The following FSCN2 variants were observed in gnomAD, a reference collection of about 807,000 sequenced individuals.
FSCN2 encodes fascin actin-bundling protein 2, retinal.
A neutral mutation model predicts 37.8 loss-of-function variants in FSCN2; 46 were observed. The ratio of observed to expected loss-of-function variants is 1.22; its 90% CI spans 0.96 to 1.56. The LOEUF (loss-of-function observed/expected upper bound fraction) is 1.56. Among genes scored for constraint, FSCN2 ranks in the 40% most tolerant of loss-of-function variants. FSCN2 has a pLI of 0.00. For missense variants in FSCN2, 844 were observed against 730.4 expected, an observed-to-expected ratio of 1.16 and a Z score of -1.79; for synonymous variants, 351 against 309.4, an observed-to-expected ratio of 1.13 and a Z score of -1.41.
upstream of FSCN2, among the ~76,000 whole-genome samples, chr17:81,525,471 C>T (rs1407065701): frequency 1.4e-5 from 2 of 147,496 alleles, no homozygotes; most frequent in East Asian, 3.9e-4. Flanking sequence ...GGCTGTAATC[C>T]CAGCACTTTG....
At chr17:81,528,163 G>A (rs568614095), upstream of FSCN2, among the ~76,000 whole-genome samples, 41 of 152,274 alleles carry the variant, frequency 2.7e-4, no homozygotes, top group Non-Finnish European at 5.1e-4. Flanking sequence ...CTGGGCCCAC[G>A]CTATGAGGAA....
At chr17:81,532,452 ATGGTGGTGGTGATGGTGGTGG>A (rs2032715467) in intron 1 of FSCN2, among the ~76,000 whole-genome samples, 1 of 114,126 alleles carries the variant, frequency 8.8e-6, no homozygotes, top group East Asian at 3.0e-4. Context: ...GATGATGGTG[ATGGTGGTGGTGATGGTGGTGG>A]TGGTGATGAT....
intron 1 of FSCN2, among the ~76,000 whole-genome samples, chr17:81,531,786 ATGG>A (rs2032633740): frequency 1.3e-5 from 1 of 77,138 alleles, no homozygotes; most frequent in East Asian, 3.2e-3. Context: ...GATGGTGATG[ATGG>A]TGATGATGAT....
chr17:81,531,186 G>GTGATAA (rs2032540106), intron 1 of FSCN2, among the ~76,000 whole-genome samples: 1 of 110,142 alleles, frequency 9.1e-6, no homozygotes, highest in African/African-American at 4.9e-5. Flanking sequence ...GGTGATGATG[G>GTGATAA]TGGTGATGGT....
chr17:81,521,020 G>A, the FSCN2 span, among the ~76,000 whole-genome samples: 1 of 151,932 alleles, frequency 6.6e-6, no homozygotes, highest in African/African-American at 2.4e-5. Context: ...CCCTTCAGCG[G>A]AGTTTTTCAT....
rs144409045 is a variant in FSCN2, at chr17:81,536,219, G to T, written c.1057G>T (p.Val353Leu). 2.5e-6 allele frequency: 4 copies of T among 1,601,226 alleles called. No homozygotes were observed. The African/African-American group carries it at 4.0e-5, about 16-fold the overall frequency. Residue 353 changes from valine (V) to leucine (L), a missense_variant, in exon 3 of 5, where the codon GTG becomes TTG. Coordinates refer to ENST00000417245, the MANE Select transcript of FSCN2 (RefSeq NM_012418.4). Reference sequence around the variant, plus strand: ...ACTCAAAGCCAGCAACGGGCGCTACGTGTGCATGAAGAAGAATGGGCAGCT... The same window carrying T: ...ACTCAAAGCCAGCAACGGGCGCTACTTGTGCATGAAGAAGAATGGGCAGCT... Reference protein sequence around the residue: ...VALKASNGRYVCMKKNGQLAA... With the variant: ...VALKASNGRYLCMKKNGQLAA...
chr17:81,529,079 G>A lies in FSCN2; in HGVS notation c.548G>A (p.Arg183Gln), dbSNP rs782022102. 19 of 1,590,642 alleles carry A rather than the reference G, an allele frequency of 1.2e-5. No individual in the cohort carries two copies. In the African/African-American group the frequency reaches 1.2e-4, roughly 10 times the overall value. The stretch of plus-strand genomic sequence containing the variant: ...CTCACCCTCATCTTCCGGAGCCGAC[G>A]GTACTGCCTCAAGTCCTGTGACAGC... ...ALLTLIFRSR[R>Q]YCLKSCDSRY... Residue 183 changes from arginine to glutamine, a missense_variant, in exon 1 of 5, where the codon CGG becomes CAG. Arg to Gln is a conservative substitution (Grantham distance 43, BLOSUM62 1). Coordinates refer to ENST00000417245, the MANE Select transcript of FSCN2 (RefSeq NM_012418.4).
chr17:81,532,347 A>G (rs892113934), intron 1 of FSCN2, among the ~76,000 whole-genome samples: 8 of 126,576 alleles, frequency 6.3e-5, no homozygotes, highest in African/African-American at 2.5e-4. Context: ...GATGATGATG[A>G]TAGTGATGGT....
In FSCN2 at chr17:81,536,746, C is replaced by T. The variant is rs182593453; in HGVS notation, c.1230C>T (p.Asp410=). Residue 410 remains aspartate, a synonymous_variant, in exon 4 of 5, where the codon GAC becomes GAT. Transcript: ENST00000417245. The part of the protein sequence containing the change: ...NQLDTNRSVY[D]VFHLSFSDGA... Reference sequence around the variant, plus strand: ...TGGACACCAACCGCTCCGTCTACGACGTCTTCCACCTGAGCTTCAGCGACG... The same window carrying T: ...TGGACACCAACCGCTCCGTCTACGATGTCTTCCACCTGAGCTTCAGCGACG... 3,603 of 1,610,054 alleles carry T rather than the reference C, an allele frequency of 2.2e-3. 7 individuals carry two copies. The highest frequency in any genetic ancestry group is 2.8e-3 in the Non-Finnish European group (3,336 of 1,178,736).
chr17:81,531,507 G>GGCGA (rs2032598706), intron 1 of FSCN2, among the ~76,000 whole-genome samples: 1 of 120,006 alleles, frequency 8.3e-6, no homozygotes, highest in African/African-American at 4.3e-5. Context: ...GGTGATGGTG[G>GGCGA]TGATGGTGAT....
the FSCN2 span, among the ~76,000 whole-genome samples, chr17:81,515,867 G>C: frequency 6.6e-6 from 1 of 152,220 alleles, no homozygotes; most frequent in African/African-American, 2.4e-5. Flanking sequence ...TTGTATTTTT[G>C]AGACAGTCTC....
chr17:81,531,880 T>C (rs1419245992), intron 1 of FSCN2, among the ~76,000 whole-genome samples: 2 of 143,420 alleles, frequency 1.4e-5, no homozygotes, highest in African/African-American at 5.1e-5. Flanking sequence ...ATGGTGATGA[T>C]GGTGATGGCG....
chr17:81,530,727 G>A (rs898764060), intron 1 of FSCN2: 1 of 413,936 alleles, frequency 2.4e-6, no homozygotes, highest in Non-Finnish European at 4.7e-6. Flanking sequence ...GCCCCACCCT[G>A]TGCATGGAGA....
At position 81,533,768 on chromosome 17, in the gene FSCN2, G is replaced by A. The variant is rs189302457; in HGVS notation, c.827-1284G>A. On this transcript the variant is annotated intron_variant, in intron 1 of 4. Coordinates refer to ENST00000417245, the MANE Select transcript of FSCN2 (RefSeq NM_012418.4). ...CTATTTTGAGGCCATGTCCCCGGAA[G>A]CAGGTGGCTGAATGAGTAGCCCCAG... 5.4e-3 allele frequency among the ~76,000 whole-genome samples: 820 copies of A among 152,346 alleles called. 6 individuals carry two copies. Among genetic ancestry groups the A allele is most frequent in the South Asian group, 0.02 (95 of 4,828 alleles).
At chr17:81,523,420 C>T (rs2032262290), upstream of FSCN2, among the ~76,000 whole-genome samples, 2 of 152,236 alleles carry the variant, frequency 1.3e-5, no homozygotes, top group Admixed American at 1.3e-4. Flanking sequence ...TGCAGCGGAG[C>T]CGATAGCTCA....
chr17:81,530,410 C>T (rs999896847), intron 1 of FSCN2, among the ~76,000 whole-genome samples: 3 of 152,224 alleles, frequency 2.0e-5, no homozygotes, highest in Non-Finnish European at 4.4e-5. Flanking sequence ...TGGGGTGAAC[C>T]CCAGCAGTTC....
rs112994063 is a variant in FSCN2 at position 81,529,024 on chromosome 17, G to T, written c.493G>T (p.Gly165Ter). Residue 165 changes from glycine (G) to a stop codon, truncating the protein, a stop_gained, in exon 1 of 5, where the codon GGA becomes TGA. Coordinates refer to ENST00000417245, the MANE Select transcript of FSCN2 (RefSeq NM_012418.4). LOFTEE classifies it high-confidence loss of function. Reference sequence around the variant, plus strand: ...GCGGGAGGACGAGATGGCCGCAGACGGAGACAAGCCCTGGGGCGTGGACGC... The same window carrying T: ...GCGGGAGGACGAGATGGCCGCAGACTGAGACAAGCCCTGGGGCGTGGACGC... ...CPREDEMAAD[G>*]DKPWGVDALL... The T allele has an allele frequency of 1.3e-6, 2 of 1,587,252 alleles. No homozygotes were observed. The highest frequency in any genetic ancestry group is 8.5e-7 in the Non-Finnish European group (1 of 1,171,064).
In FSCN2 at chr17:81,528,849, G is replaced by A. The variant is rs782438542; in HGVS notation, c.318G>A (p.Pro106=). The change falls in exon 1 of 5, where the codon CCG becomes CCA. Residue 106 remains proline, a synonymous_variant. Transcript: ENST00000417245. ...PDGRWVLRSE[P]HGRFFGGTED... ...GGCGCTGGGTGCTGCGGTCCGAGCC[G>A]CACGGCCGCTTCTTCGGAGGCACCG... 2.8e-5 allele frequency: 43 copies of A among 1,555,490 alleles called. No homozygotes were observed. Among genetic ancestry groups the A allele is most frequent in the Non-Finnish European group, 3.3e-5 (38 of 1,153,050 alleles).
intron 1 of FSCN2, among the ~76,000 whole-genome samples, chr17:81,532,566 G>T (rs2032725399): frequency 6.9e-6 from 1 of 145,872 alleles, no homozygotes; most frequent in African/African-American, 2.6e-5. Flanking sequence ...GGTGGTGATG[G>T]TGATGGTGGT....
Sources: allele counts gnomAD v4.1 joint callset (sites outside exome capture counted in the v4.1 genomes callset), GRCh38; gene constraint gnomAD v4.1.1; transcripts MANE v1.5; gene names NCBI Gene and HGNC (gene_info 2026-07-23, HGNC 2026-07-21).